The following PPP1R14B variants were observed in gnomAD, a reference collection of about 807,000 sequenced individuals.
PPP1R14B encodes the protein protein phosphatase 1 regulatory subunit 14B.
PPP1R14B carries 4 observed loss-of-function variants against 14.7 expected under a neutral mutation model. That is an observed-to-expected ratio of 0.27 (90% CI 0.13 to 0.62). The LOEUF is 0.62. Among genes scored for constraint, PPP1R14B ranks in the 20% least tolerant of loss-of-function variants. The pLI is 0.85. For missense variants in PPP1R14B, 138 were observed against 201.5 expected (o/e 0.68, Z 1.91); for synonymous variants, 76 against 87.3 (o/e 0.87, Z 0.72).
chr11:64,244,691 G>C lies in PPP1R14B; in HGVS notation c.*63C>G, dbSNP rs868391281. The C allele has an allele frequency of 4.6e-5, 74 of 1,602,146 alleles. 1 individual carries two copies. In the African/African-American group the frequency reaches 8.0e-4, roughly 17 times the overall value. ...CGCAGGGTCCCCCGGTATTGCTGTT[G>C]CTACGAGGTTGGGGGGCAGCGATTG... On this transcript the variant is annotated 3_prime_UTR_variant, in exon 4 of 4. Transcript: ENST00000309318.
chr11:64,246,404 G>A lies in PPP1R14B; in HGVS notation c.258+12C>T, dbSNP rs754779632. On this transcript the variant is annotated intron_variant, in intron 1 of 3. Coordinates refer to ENST00000309318, the MANE Select transcript of PPP1R14B (RefSeq NM_138689.3). ...ACCGATTTTGGGGTGTCGGCGCGGG[G>A]TGGGAACACACCTGGCAGTCGTAGA... The A allele has an allele frequency of 6.2e-7, 1 of 1,603,908 alleles. No individual in the cohort carries two copies. The highest frequency in any genetic ancestry group is 8.5e-7 in the Non-Finnish European group (1 of 1,176,236).
chr11:64,246,641 C>T lies in PPP1R14B; in HGVS notation c.33G>A (p.Ala11=). The stretch of plus-strand genomic sequence containing the variant: ...CCGGCCCGGGGGCCGGGGCCGCCAA[C>T]GCCGCGCCCCCCGCGGTGCCGCTGT... MADSGTAGGA[A]LAAPAPGPGS... The change falls in exon 1 of 4, where the codon GCG becomes GCA. Residue 11 remains alanine (A), a synonymous_variant. Coordinates refer to ENST00000309318, the MANE Select transcript of PPP1R14B (RefSeq NM_138689.3). 8.0e-7 allele frequency: 1 copy of T among 1,257,314 alleles called. No individual in the cohort carries two copies. The highest frequency in any genetic ancestry group is 1.0e-6 in the Non-Finnish European group (1 of 996,136). 77.9% of individuals were successfully genotyped at this position (1,257,314 alleles called of 1,614,324 possible).
intron 1 of PPP1R14B, chr11:64,246,180 G>A: frequency 1.7e-6 from 1 of 578,230 alleles, no homozygotes; most frequent in South Asian, 2.1e-5. Flanking sequence ...GAGGACACTA[G>A]GCTTGACCTG....
intron 1 of PPP1R14B, 124 bp downstream of exon 1, chr11:64,246,292 G>A (rs1765659345): frequency 6.0e-6 from 8 of 1,335,522 alleles, no homozygotes; most frequent in Middle Eastern, 5.2e-4. Flanking sequence ...AGTGCAGAGG[G>A]GAGGGGAGCG....
chr11:64,245,932 A>G (rs1005456743), intron 1 of PPP1R14B: 4 of 160,348 alleles, frequency 2.5e-5, no homozygotes, highest in Non-Finnish European at 5.5e-5. Flanking sequence ...CTGAACAACC[A>G]GGGAGTCATG....
intron 1 of PPP1R14B, 152 bp from the exon 2 acceptor site, chr11:64,245,439 G>A (rs1397515425): frequency 1.1e-5 from 6 of 555,328 alleles, no homozygotes; most frequent in Non-Finnish European, 1.8e-5. Context: ...GAGGAAAACA[G>A]ATCAGGCCCG....
In PPP1R14B at chr11:64,244,772, G is replaced by C. The variant is rs766661826; in HGVS notation, c.426C>G (p.Ser142Arg). 2.5e-6 allele frequency: 4 copies of C among 1,613,676 alleles called. No homozygotes were observed. The African/African-American group carries it at 4.0e-5, about 16-fold the overall frequency. ...LDKIRGMQKL[S>R]TPQKK ...GGGACCGTCACTTCTTCTGGGGTGT[G>C]CTCAGCTTCTGCATGCCCCGGATCT... The change falls in exon 4 of 4, where the codon AGC (serine) becomes AGG (arginine). Residue 142 changes from serine (S) to arginine (R), a missense_variant. Transcript: ENST00000309318.
At position 64,245,351 on chromosome 11, in the gene PPP1R14B, G is replaced by T. The variant is rs771353656; in HGVS notation, c.259-64C>A. ...TGAGTTGGAGAGAGGGTGTGAGAGG[G>T]GCTCTGGGTTGAGGCCCCTGCCTAC... On this transcript the variant is annotated intron_variant, in intron 1 of 3. Coordinates refer to ENST00000309318, the MANE Select transcript of PPP1R14B (RefSeq NM_138689.3). The T allele has an allele frequency of 4.8e-6, 7 of 1,443,310 alleles. No individual in the cohort carries two copies. In the African/African-American group the frequency reaches 9.8e-5, roughly 20 times the overall value. The allele number at this position is 1,443,310 out of a possible 1,614,324, so 89.4% of individuals were successfully genotyped here.
intron 1 of PPP1R14B, chr11:64,245,775 A>G: frequency 6.3e-6 from 1 of 159,250 alleles, no homozygotes; most frequent in Non-Finnish European, 1.4e-5. Flanking sequence ...TTGGTGAGGG[A>G]GGGGATGCCC....
chr11:64,246,092 G>A (rs1017837477), intron 1 of PPP1R14B: 1 of 330,374 alleles, frequency 3.0e-6, no homozygotes, highest in Admixed American at 4.6e-5. Flanking sequence ...ACCAGGCGGT[G>A]AGACCTCCTG....
chr11:64,244,725 G>A lies in PPP1R14B; in HGVS notation c.*29C>T, dbSNP rs200099242. 194 of 1,610,404 alleles carry A rather than the reference G, an allele frequency of 1.2e-4. No homozygotes were observed. Among genetic ancestry groups the A allele is most frequent in the Non-Finnish European group, 1.6e-4 (187 of 1,178,210 alleles). ...TTGGGGGGCAGCGATTGTCCTGTGGGAGCCACCGTTCTCCTGGGTCGGGGA... is the reference window on the plus strand; with the variant it reads ...TTGGGGGGCAGCGATTGTCCTGTGGAAGCCACCGTTCTCCTGGGTCGGGGA... On this transcript the variant is annotated 3_prime_UTR_variant, in exon 4 of 4. Coordinates refer to ENST00000309318, the MANE Select transcript of PPP1R14B (RefSeq NM_138689.3).
At position 64,244,526 on chromosome 11, in the gene PPP1R14B, G is replaced by A. The variant is rs953308488; in HGVS notation, c.*228C>T. ...CTAGCTTTATTAAAGGGCCCGCGCC[G>A]CAGAGTCAATATAAAAACACAAAAA... is the stretch of plus-strand genomic sequence containing the variant. On this transcript the variant is annotated 3_prime_UTR_variant, in exon 4 of 4. Coordinates refer to ENST00000309318, the MANE Select transcript of PPP1R14B (RefSeq NM_138689.3). The A allele has an allele frequency of 8.7e-5, 111 of 1,270,880 alleles. No homozygotes were observed. The highest frequency in any genetic ancestry group is 1.1e-4 in the Non-Finnish European group (106 of 946,744). The allele number at this position is 1,270,880 out of a possible 1,614,324, so 78.7% of individuals were successfully genotyped here. A position where few individuals can be genotyped will look rare whatever the true frequency, so the allele number is the denominator to read the frequency against.
chr11:64,244,846 A>G, intron 3 of PPP1R14B, 24 bp from the exon 4 acceptor site: 1 of 1,613,952 alleles, frequency 6.2e-7, no homozygotes, highest in Non-Finnish European at 8.5e-7. Context: ...GAGGGTAAAC[A>G]TTAAGGAGAC....
chr11:64,245,324 C>G (rs2030833682), intron 1 of PPP1R14B, 37 bp from the exon 2 acceptor site: 1 of 1,579,216 alleles, frequency 6.3e-7, no homozygotes, highest in Non-Finnish European at 8.7e-7. Context: ...GAGACATAAG[C>G]CTGAGTTGGA....
intron 1 of PPP1R14B, 99 bp from the exon 2 acceptor site, chr11:64,245,386 A>C: frequency 2.1e-6 from 2 of 966,464 alleles, no homozygotes; most frequent in Non-Finnish European, 3.2e-6. Flanking sequence ...CCTCGGAGGA[A>C]CCCAGCCCTC....
At chr11:64,246,277 G>T (rs2030874976) in intron 1 of PPP1R14B, 139 bp downstream of exon 1, 2 of 1,138,638 alleles carry the variant, frequency 1.8e-6, no homozygotes. Context: ...TATATTGGGG[G>T]CGGGAGTGCA....
At chr11:64,245,743 G>C (rs750198264) in intron 1 of PPP1R14B, 1 of 165,234 alleles carries the variant, frequency 6.1e-6, no homozygotes, top group African/African-American at 2.4e-5. Context: ...GCCTGGCAAA[G>C]AGGAAACAAA....
Position 64,245,258 on chromosome 11 carries a change from G to A in PPP1R14B, c.288C>T (p.Asp96=). 1.9e-6 allele frequency: 3 copies of A among 1,611,340 alleles called. No homozygotes were observed. The highest frequency in any genetic ancestry group is 2.5e-6 in the Non-Finnish European group (3 of 1,177,826). The change falls in exon 2 of 4, where the codon GAC becomes GAT. Residue 96 remains aspartate (D), a synonymous_variant. Coordinates refer to ENST00000309318, the MANE Select transcript of PPP1R14B (RefSeq NM_138689.3). ...TCTCCATGTCCAGGAGCTCATCCAC[G>A]TCAATCTCCAGTTCTGGGATCTCCT... The part of the protein sequence containing the change: ...QEEEIPELEI[D]VDELLDMESD...
At chr11:64,244,985 G>A in intron 2 of PPP1R14B, 23 bp from the exon 3 acceptor site, 8 of 1,604,310 alleles carry the variant, frequency 5.0e-6, no homozygotes, top group Non-Finnish European at 6.8e-6. Context: ...GGGGGAGGAA[G>A]GATAAGTGAG....
Sources: gnomAD v4.1 joint callset for allele counts on GRCh38, gnomAD v4.1.1 for gene constraint, MANE v1.5 for transcripts, NCBI Gene and HGNC (gene_info 2026-07-23, HGNC 2026-07-21) for gene names.